The following C2CD3 variants were observed in gnomAD, a reference collection of about 807,000 sequenced individuals.
C2CD3 encodes the protein C2 domain containing 3 centriole elongation regulator.
In C2CD3, 148 loss-of-function variants were observed where a neutral mutation model predicts 234.0. The ratio of observed to expected loss-of-function variants is 0.63; its 90% CI spans 0.55 to 0.72. C2CD3 has a LOEUF of 0.72. Among genes scored for constraint, C2CD3 ranks in the 30% least tolerant of loss-of-function variants. The pLI is 0.00. For missense variants in C2CD3, 2,577 were observed against 2,811.5 expected, an observed-to-expected ratio of 0.92 and a Z score of 1.89; for synonymous variants, 1,000 against 1,035.4, an observed-to-expected ratio of 0.97 and a Z score of 0.66.
At position 74,072,033 on chromosome 11, in the gene C2CD3, C is replaced by T. The variant is rs373258537; in HGVS notation, c.4951+2220G>A. Among the ~76,000 whole-genome samples the T allele has an allele frequency of 4.3e-3, 648 of 151,860 alleles. 4 individuals carry two copies. Among genetic ancestry groups the T allele is most frequent in the African/African-American group, 0.015 (623 of 41,424 alleles). On this transcript the variant is annotated intron_variant, in intron 24 of 32. Transcript: ENST00000334126. ...CAATGCAACTACAAAAAAAAACTTTCCAAAAATAAAAGAAGCTTTTTAATA... is the reference window on the plus strand; with the variant it reads ...CAATGCAACTACAAAAAAAAACTTTTCAAAAATAAAAGAAGCTTTTTAATA...
chr11:74,055,851 C>T (rs1327701937), intron 25 of C2CD3, among the ~76,000 whole-genome samples: 1 of 152,228 alleles, frequency 6.6e-6, no homozygotes, highest in African/African-American at 2.4e-5. Flanking sequence ...ACAGTCTCCT[C>T]AAGTGTAAAG....
At chr11:74,080,271 G>C (rs1377999486) in intron 22 of C2CD3, among the ~76,000 whole-genome samples, 1 of 152,098 alleles carries the variant, frequency 6.6e-6, no homozygotes, top group Non-Finnish European at 1.5e-5. Flanking sequence ...ATGACTTTTG[G>C]ACAGGTATTT....
Position 74,049,476 on chromosome 11 carries a change from A to C in C2CD3, c.5222T>G (p.Val1741Gly), listed in dbSNP as rs1489639289. The change falls in exon 27 of 33, where the codon GTC (valine) becomes GGC (glycine). Residue 1741 changes from valine (V) to glycine (G), a missense_variant. Physicochemically the swap from Val to Gly is moderately radical, Grantham distance 109 (BLOSUM62 -3). Transcript: ENST00000334126. ...LSPLLSGFQF[V>G]CGWYNITDFS... ...GTCTGTGATGTTGTACCAGCCACAG[A>C]CAAACTGGAAGCCAGAGAGAAGTGG... 2 of 1,613,436 alleles carry C rather than the reference A, an allele frequency of 1.2e-6. No homozygotes were observed. Among genetic ancestry groups the C allele is most frequent in the Non-Finnish European group, 1.7e-6 (2 of 1,179,986 alleles).
In C2CD3 at chr11:74,136,800, G is replaced by C. The variant is rs117754179; in HGVS notation, c.955+1920C>G. Among the ~76,000 whole-genome samples, 8 of 152,176 alleles carry C rather than the reference G, an allele frequency of 5.3e-5. No homozygotes were observed. The East Asian group carries it at 1.5e-3, about 29-fold the overall frequency. ...GAACATCACAGACCGGGACCTGTCG[G>C]GGGTAGGGGGCTAGGGGAGAGATAG... On this transcript the variant is annotated intron_variant, in intron 5 of 32. Transcript: ENST00000334126.
chr11:74,086,774 T>C (rs536639202), intron 20 of C2CD3, among the ~76,000 whole-genome samples: 1 of 152,306 alleles, frequency 6.6e-6, no homozygotes, highest in Admixed American at 6.5e-5. Context: ...CAAACCCCCT[T>C]TCCCTAAACT....
chr11:74,137,588 C>CT (rs1206247804), intron 5 of C2CD3, among the ~76,000 whole-genome samples: 1 of 146,094 alleles, frequency 6.8e-6, no homozygotes, highest in African/African-American at 2.5e-5. Context: ...TATATTTTTT[C>CT]TTTTTTTTCT....
chr11:74,168,602 T>C lies in C2CD3; in HGVS notation c.67A>G (p.Ile23Val). 1.9e-6 allele frequency: 3 copies of C among 1,614,046 alleles called. No homozygotes were observed. Among genetic ancestry groups the C allele is most frequent in the South Asian group, 1.1e-5 (1 of 91,072 alleles). ...GGTGGCAGGCTTGTAGATGGAGAAA[T>C]GTCACTTAAACCTGTAGAGGAATCC... Reference protein sequence around the residue: ...RGRKKRGLSDISPSTSLPPLV... With the variant: ...RGRKKRGLSDVSPSTSLPPLV... Residue 23 changes from isoleucine to valine, a missense_variant, in exon 2 of 33, where the codon ATT (isoleucine) becomes GTT (valine). Transcript: ENST00000334126.
intron 23 of C2CD3, among the ~76,000 whole-genome samples, chr11:74,075,292 T>G (rs1243172518): frequency 6.6e-6 from 1 of 151,390 alleles, no homozygotes; most frequent in African/African-American, 2.4e-5. Flanking sequence ...CTCCTGTTTT[T>G]CGACCTTCTC....
At chr11:74,018,483 A>C (rs777712895) in intron 32 of C2CD3, among the ~76,000 whole-genome samples, 2 of 152,158 alleles carry the variant, frequency 1.3e-5, no homozygotes, top group Non-Finnish European at 2.9e-5. Flanking sequence ...CCTTTAAGTG[A>C]CATAAACATT....
chr11:74,143,045 C>A (rs1399889690), intron 3 of C2CD3, among the ~76,000 whole-genome samples: 1 of 152,094 alleles, frequency 6.6e-6, no homozygotes, highest in Admixed American at 6.6e-5. Context: ...TAACTTTTGC[C>A]TTTTTGGTGC....
intron 1 of C2CD3, among the ~76,000 whole-genome samples, 183 bp from the exon 2 acceptor site, chr11:74,168,796 C>T (rs1439868549): frequency 2.0e-5 from 3 of 152,176 alleles, no homozygotes; most frequent in Non-Finnish European, 4.4e-5. Flanking sequence ...TCAAATCAGA[C>T]CACCGAATAA....
At chr11:74,081,017 T>C (rs1237501584) in intron 22 of C2CD3, among the ~76,000 whole-genome samples, 1 of 152,140 alleles carries the variant, frequency 6.6e-6, no homozygotes, top group Non-Finnish European at 1.5e-5. Flanking sequence ...ATTAGGGTAG[T>C]GCTCAAATAC....
Position 74,103,336 on chromosome 11 carries a change from T to C in C2CD3, c.2375A>G (p.Asn792Ser), listed in dbSNP as rs369089792. ...VATPASHNLV[N>S]QTNGTTKESA... ...CTCTTTTGTTGTCCCATTTGTCTGA[T>C]TGACTAAATTATGGGAGGCTGGCGT... The change falls in exon 14 of 33, where the codon AAT becomes AGT. Residue 792 changes from asparagine (N) to serine (S), a missense_variant. Transcript: ENST00000334126. 81 of 1,614,226 alleles carry C rather than the reference T, an allele frequency of 5.0e-5. No homozygotes were observed. Among genetic ancestry groups the C allele is most frequent in the Middle Eastern group, 1.6e-4 (1 of 6,062 alleles).
intron 3 of C2CD3, among the ~76,000 whole-genome samples, chr11:74,152,007 T>C (rs566420388): frequency 6.6e-6 from 1 of 152,172 alleles, no homozygotes; most frequent in South Asian, 2.1e-4. Context: ...ATAGTAACTA[T>C]AAAACGAAAT....
At position 74,013,275 on chromosome 11, in the gene C2CD3, T is replaced by C. The variant is rs780573691; in HGVS notation, c.*110A>G. 1.2e-5 allele frequency: 5 copies of C among 431,608 alleles called. No homozygotes were observed. The highest frequency in any genetic ancestry group is 2.1e-5 in the Non-Finnish European group (5 of 243,870). The allele number at this position is 431,608 out of a possible 1,614,324, so 26.7% of individuals were successfully genotyped here. A position where few individuals can be genotyped will look rare whatever the true frequency, so the allele number is the denominator to read the frequency against. ...ATCCGTGGCCTAGGCAAGTGGTGGTTTCAGGACTGTGACAGCCCTGAAGGA... is the reference window on the plus strand; with the variant it reads ...ATCCGTGGCCTAGGCAAGTGGTGGTCTCAGGACTGTGACAGCCCTGAAGGA... On this transcript the variant is annotated 3_prime_UTR_variant, in exon 33 of 33. Transcript: ENST00000334126.
At chr11:74,083,668 T>C (rs542184629) in intron 22 of C2CD3, among the ~76,000 whole-genome samples, 3 of 152,336 alleles carry the variant, frequency 2.0e-5, no homozygotes, top group African/African-American at 7.2e-5. Flanking sequence ...AAGACATTTA[T>C]GCAGCCAACA....
chr11:74,078,508 GCTCCCCTTCATC>G lies in C2CD3; in HGVS notation c.4198_4209del (p.Asp1400_Glu1403del), dbSNP rs764946131. On this transcript the variant is annotated inframe_deletion, in exon 23 of 33. Coordinates refer to ENST00000334126, the MANE Select transcript of C2CD3 (RefSeq NM_001286577.2). ...GGGGTGGAGATGGTGACAGTGGCTG[GCTCCCCTTCATC>G]CATTCTGACAAAATCTTTCAGGCTG... The G allele has an allele frequency of 1.9e-6, 3 of 1,614,108 alleles. No homozygotes were observed. The highest frequency in any genetic ancestry group is 2.5e-6 in the Non-Finnish European group (3 of 1,180,014).
intron 21 of C2CD3, 71 bp from the exon 22 acceptor site, chr11:74,085,041 C>T: frequency 2.5e-6 from 2 of 802,914 alleles, no homozygotes; most frequent in Non-Finnish European, 4.3e-6. Context: ...ACAGTATATC[C>T]ACACAACCCT....
At chr11:74,032,268 G>A (rs1952549328) in intron 31 of C2CD3, among the ~76,000 whole-genome samples, 5 of 152,134 alleles carry the variant, frequency 3.3e-5, no homozygotes, top group Admixed American at 3.3e-4. Context: ...TCAAAGTCAG[G>A]CTCCCTGACT....
Sources: allele counts gnomAD v4.1 joint callset (sites outside exome capture counted in the v4.1 genomes callset), GRCh38; gene constraint gnomAD v4.1.1; transcripts MANE v1.5; gene names NCBI Gene and HGNC (gene_info 2026-07-23, HGNC 2026-07-21).